Variants in DSCAML1 observed in about 807,000 individuals in gnomAD.
The protein encoded by DSCAML1 is cell adhesion molecule DSCAML1.
A neutral mutation model predicts 200.5 loss-of-function variants in DSCAML1; 38 were observed. The ratio of observed to expected loss-of-function variants is 0.19; its 90% confidence interval spans 0.15 to 0.25. The LOEUF (loss-of-function observed/expected upper bound fraction) is 0.25, where lower values mean the gene tolerates loss of function less well. DSCAML1 is among the 10% of genes least tolerant of loss of function. The pLI is 1.00. For synonymous variants in DSCAML1, 1,215 were observed against 1,165.0 expected (o/e 1.04, Z -0.87); for missense variants, 2,223 against 2,858.8 (o/e 0.78, Z 5.07).
intron 3 of DSCAML1, among the ~76,000 whole-genome samples, chr11:117,564,924 C>G (rs55686795): frequency 0.032 from 4,840 of 152,096 alleles, 236 homozygotes; most frequent in African/African-American, 0.11. Flanking sequence ...TGCCACCATA[C>G]CCAGCTAATT....
chr11:117,627,801 C>G (rs1160476879), intron 3 of DSCAML1, among the ~76,000 whole-genome samples: 1 of 152,122 alleles, frequency 6.6e-6, no homozygotes, highest in Non-Finnish European at 1.5e-5. Flanking sequence ...AGCAGGACCC[C>G]TCAGGCCCCG....
intron 3 of DSCAML1, among the ~76,000 whole-genome samples, chr11:117,672,018 G>A (rs965735990): frequency 2.6e-5 from 4 of 151,010 alleles, no homozygotes; most frequent in Admixed American, 6.6e-5. Flanking sequence ...GGAGAATGGC[G>A]TGAACCCGGG....
chr11:117,609,031 C>A (rs745841925), intron 3 of DSCAML1, among the ~76,000 whole-genome samples: 1,815 of 124,332 alleles, frequency 0.015, 27 homozygotes, highest in East Asian at 0.057. Flanking sequence ...AACAAACAAA[C>A]AAACAAAAAA....
intron 3 of DSCAML1, among the ~76,000 whole-genome samples, chr11:117,685,599 C>T (rs560393970): frequency 1.3e-5 from 2 of 152,142 alleles, no homozygotes; most frequent in Admixed American, 1.3e-4. Flanking sequence ...TACAAATATT[C>T]CAGAAGAACT....
intron 3 of DSCAML1, among the ~76,000 whole-genome samples, chr11:117,727,831 T>C (rs2054159043): frequency 6.6e-6 from 1 of 152,196 alleles, no homozygotes; most frequent in African/African-American, 2.4e-5. Flanking sequence ...CTACCCATGA[T>C]GATATCTGAG....
chr11:117,567,042 T>C (rs1473741537), intron 3 of DSCAML1, among the ~76,000 whole-genome samples: 1 of 152,246 alleles, frequency 6.6e-6, no homozygotes, highest in East Asian at 1.9e-4. Flanking sequence ...TAAACATACA[T>C]GTGCATGTAT....
chr11:117,780,296 G>GAAAGAAAGAAAAAGA lies in DSCAML1; in HGVS notation c.364+196_364+197insTCTTTTTCTTTCTTT, dbSNP rs1555032777. ...AGAAAGAAAGAAAGAAAGAAAGAAA[G>GAAAGAAAGAAAAAGA]AAAGAAAGAGAGAAAGGAGAAAGAA... On this transcript the variant is annotated intron_variant, in intron 2 of 32. Transcript: ENST00000651296. The surrounding 1 kb of genome is among the most constrained non-coding windows in gnomAD (Gnocchi z 4.8). Among the ~76,000 whole-genome samples, 3 of 106,894 alleles carry GAAAGAAAGAAAAAGA rather than the reference G, an allele frequency of 2.8e-5. No individual in the cohort carries two copies. Among genetic ancestry groups the GAAAGAAAGAAAAAGA allele is most frequent in the African/African-American group, 9.2e-5 (3 of 32,460 alleles). The allele number at this position is 106,894 out of a possible 152,430, so 70.1% of individuals were successfully genotyped here. A position where few individuals can be genotyped will look rare whatever the true frequency, so the allele number is the denominator to read the frequency against.
At chr11:117,754,754 C>T (rs894742287) in intron 3 of DSCAML1, among the ~76,000 whole-genome samples, 2 of 152,108 alleles carry the variant, frequency 1.3e-5, no homozygotes, top group Non-Finnish European at 2.9e-5. Flanking sequence ...GTTGCTGGGA[C>T]CTTCTTCAGT....
intron 3 of DSCAML1, among the ~76,000 whole-genome samples, chr11:117,620,147 T>C (rs1285295666): frequency 1.3e-5 from 2 of 152,126 alleles, no homozygotes; most frequent in African/African-American, 4.8e-5. Flanking sequence ...ATGTGAACGA[T>C]TCCTAAACTG....
At chr11:117,573,952 C>G (rs909927725) in intron 3 of DSCAML1, among the ~76,000 whole-genome samples, 1 of 152,206 alleles carries the variant, frequency 6.6e-6, no homozygotes, top group Non-Finnish European at 1.5e-5. Context: ...AGGATGTTCA[C>G]GAGGCCAAGG....
chr11:117,797,405 C>G (rs957526620), upstream of DSCAML1: 15 of 643,838 alleles, frequency 2.3e-5, no homozygotes, highest in Admixed American at 4.0e-4. Context: ...CGCCCCGACC[C>G]GGCTCCGCTG....
chr11:117,533,534 T>C (rs2137347117), intron 3 of DSCAML1, among the ~76,000 whole-genome samples: 1 of 152,282 alleles, frequency 6.6e-6, no homozygotes, highest in South Asian at 2.1e-4. Flanking sequence ...ATTCAAACAG[T>C]TCTCAAACAC....
intron 3 of DSCAML1, among the ~76,000 whole-genome samples, chr11:117,647,416 G>T (rs1413367002): frequency 6.6e-6 from 1 of 152,214 alleles, no homozygotes; most frequent in Non-Finnish European, 1.5e-5. Flanking sequence ...CACAGGGACA[G>T]CCAGCTGCTC....
chr11:117,617,310 C>T (rs2051829218), intron 3 of DSCAML1, among the ~76,000 whole-genome samples: 2 of 152,152 alleles, frequency 1.3e-5, no homozygotes, highest in African/African-American at 4.8e-5. Context: ...GGGAAGCCCT[C>T]CAGGCTCGGC....
At chr11:117,486,270 G>GAAAATGGCGGATGTGATAATGGCGGATGT (rs2049053025) in intron 11 of DSCAML1, among the ~76,000 whole-genome samples, 7 of 85,934 alleles carry the variant, frequency 8.1e-5, no homozygotes, top group South Asian at 4.4e-4. Context: ...GTGGTGGATG[G>GAAAATGGCGGATGTGATAATGGCGGATGT]GAAAGTGGCG....
rs991051487 is a variant in DSCAML1, at chr11:117,625,682, T to G, written c.512-93160A>C. Among the ~76,000 whole-genome samples, 74 of 152,230 alleles carry G rather than the reference T, an allele frequency of 4.9e-4. 3 individuals are homozygous for G. Among genetic ancestry groups the G allele is most frequent in the Non-Finnish European group, 2.1e-4 (14 of 68,032 alleles). On this transcript the variant is annotated intron_variant, in intron 3 of 32. Coordinates refer to ENST00000651296, the MANE Select transcript of DSCAML1 (RefSeq NM_020693.4). ...ATGCCTCCTGCAGGCGTCTCCATGG[T>G]AGATCTCTGTATCAGACTTTGCATT...
In DSCAML1 at chr11:117,592,090, G is replaced by A. The variant is rs558461398; in HGVS notation, c.512-59568C>T. 4.3e-4 allele frequency among the ~76,000 whole-genome samples: 65 copies of A among 152,274 alleles called. 1 individual carries two copies. The highest frequency in any genetic ancestry group is 2.3e-3 in the South Asian group (11 of 4,828). On this transcript the variant is annotated intron_variant, in intron 3 of 32. Transcript: ENST00000651296. ...GAGGAGCAGGAGAATCCTGGGGCTA[G>A]GGTGGAAAGCTGTGCTCATCAGGTA...
chr11:117,570,175 G>A (rs903831650), intron 3 of DSCAML1, among the ~76,000 whole-genome samples: 3 of 152,038 alleles, frequency 2.0e-5, no homozygotes, highest in African/African-American at 2.4e-5. Context: ...TGGCGGGGTC[G>A]GCTGGCGCGT....
intron 1 of DSCAML1, among the ~76,000 whole-genome samples, chr11:117,811,532 C>A (rs1308672721): frequency 6.6e-6 from 1 of 152,206 alleles, no homozygotes; most frequent in Non-Finnish European, 1.5e-5. Context: ...TCCTCCAGAA[C>A]CTCCTCCCCC....
Sources: allele counts gnomAD v4.1 joint callset (sites outside exome capture counted in the v4.1 genomes callset), GRCh38; gene constraint gnomAD v4.1.1; non-coding constraint Gnocchi (gnomAD v3.1); transcripts MANE v1.5; gene names NCBI Gene and HGNC (gene_info 2026-07-23, HGNC 2026-07-21).